UNC13D: variants seen among roughly 807,000 people sequenced by gnomAD.
UNC13D encodes the protein unc-13 homolog D.
Under a neutral mutation model 151.7 loss-of-function variants are expected in UNC13D, and 115 were observed. The ratio of observed to expected loss-of-function variants is 0.76; its 90% CI spans 0.65 to 0.88. The LOEUF (loss-of-function observed/expected upper bound fraction) is 0.88. Among genes scored for constraint, UNC13D ranks in the 40% least tolerant of loss-of-function variants. The pLI, the probability that UNC13D is intolerant of heterozygous loss-of-function variation, is 0.00. For missense variants in UNC13D, 1,369 were observed against 1,438.7 expected (o/e 0.95, Z 0.78); for synonymous variants, 588 against 612.2 (o/e 0.96, Z 0.58).
chr17:75,836,139 C>T, intron 16 of UNC13D, 30 bp from the exon 17 acceptor site: 2 of 1,612,590 alleles, frequency 1.2e-6, no homozygotes, highest in Non-Finnish European at 8.5e-7. Context: ...CTGGGCAGGG[C>T]TGCCAGAGGC....
At position 75,834,498 on chromosome 17, in the gene UNC13D, G is replaced by T. The variant is rs548101215; in HGVS notation, c.2125C>A (p.Arg709=). 4 of 1,575,320 alleles carry T rather than the reference G, an allele frequency of 2.5e-6. No individual in the cohort carries two copies. The African/African-American group carries it at 5.4e-5, about 21-fold the overall frequency. ...CVVVNDMEQL[R]LVIGKLPAQL... ...GCGGGCAACTTGCCGATCACCAGCC[G>T]CAGCTGCTCCATGTCATTCACCACC... Residue 709 remains arginine, a synonymous_variant, in exon 23 of 32, where the codon CGG becomes AGG. Coordinates refer to ENST00000207549, the MANE Select transcript of UNC13D (RefSeq NM_199242.3).
rs778350304 is a variant in UNC13D, at chr17:75,840,614, G to C, written c.684-38C>G. 6.2e-7 allele frequency: 1 copy of C among 1,613,678 alleles called. No homozygotes were observed. Among genetic ancestry groups the C allele is most frequent in the Admixed American group, 1.7e-5 (1 of 60,004 alleles). On this transcript the variant is annotated intron_variant, in intron 8 of 31. Transcript: ENST00000207549. The surrounding 1 kb of genome is among the most constrained non-coding windows in gnomAD (Gnocchi z 4.6). The stretch of plus-strand genomic sequence containing the variant: ...GGGTCCCATAAGGGGGACGCAGCAA[G>C]GGTCGGAAGGGATTAGGCTGGAATC...
In UNC13D at chr17:75,827,842, C is replaced by A; in HGVS notation, c.*123G>T. The A allele has an allele frequency of 6.6e-7, 1 of 1,517,056 alleles. No individual in the cohort carries two copies. The highest frequency in any genetic ancestry group is 1.2e-5 in the South Asian group (1 of 82,080). 94.0% of individuals were successfully genotyped at this position (1,517,056 alleles called of 1,614,324 possible). A position where few individuals can be genotyped will look rare whatever the true frequency, so the allele number is the denominator to read the frequency against. On this transcript the variant is annotated 3_prime_UTR_variant, in exon 32 of 32. Transcript: ENST00000207549. ...GTCTGCACTCTGGGCACTCCGCATG[C>A]TGGGGCTCCCCAAGTGTTAGGCCAG...
chr17:75,835,312 C>T (rs760680818), intron 20 of UNC13D, 97 bp downstream of exon 20: 56 of 1,494,832 alleles, frequency 3.7e-5, no homozygotes, highest in Admixed American at 7.6e-5. Flanking sequence ...ATGTTCAGAG[C>T]GGGTTACTGG....
intron 6 of UNC13D, among the ~76,000 whole-genome samples, chr17:75,842,043 G>A (rs1029417601): frequency 6.6e-6 from 1 of 152,026 alleles, no homozygotes; most frequent in East Asian, 1.9e-4. Flanking sequence ...CACCACGCCC[G>A]GCCTTTTTTG....
At chr17:75,831,019 A>C in intron 27 of UNC13D, 79 bp downstream of exon 27, 1 of 1,528,394 alleles carries the variant, frequency 6.5e-7, no homozygotes, top group South Asian at 1.1e-5. Flanking sequence ...TAAATTATGT[A>C]GCCGACCCTG....
intron 6 of UNC13D, 88 bp downstream of exon 6, chr17:75,842,345 G>C: frequency 6.5e-7 from 1 of 1,527,088 alleles, no homozygotes. Flanking sequence ...CCCTGAGCCA[G>C]GACGACCTAC....
rs757222478 is a variant in UNC13D, at chr17:75,844,354, C to T, written c.-17G>A. ...TGTCGCCATGGTGGCCTTCTCTGCC[C>T]TTCCCTGTCCGCTGGTGCTGGGTGA... On this transcript the variant is annotated 5_prime_UTR_variant, in exon 1 of 32. Transcript: ENST00000207549. 6 of 1,599,056 alleles carry T rather than the reference C, an allele frequency of 3.8e-6. No homozygotes were observed. The highest frequency in any genetic ancestry group is 5.1e-6 in the Non-Finnish European group (6 of 1,173,714).
At chr17:75,834,272 AG>A in intron 23 of UNC13D, 52 bp downstream of exon 23, 1 of 1,584,512 alleles carries the variant, frequency 6.3e-7, no homozygotes, top group Non-Finnish European at 8.5e-7. Flanking sequence ...TGCTGGAGCC[AG>A]GTAGGCTGAA....
intron 30 of UNC13D, chr17:75,829,685 G>A (rs372796819): frequency 3.1e-6 from 1 of 319,828 alleles, no homozygotes; most frequent in East Asian, 8.2e-5. Context: ...TCTGCCTCCT[G>A]GGTTAAGCAA....
intron 12 of UNC13D, 60 bp from the exon 13 acceptor site, chr17:75,836,978 A>T: frequency 8.2e-7 from 1 of 1,219,814 alleles, no homozygotes; most frequent in Non-Finnish European, 1.1e-6. Context: ...TCCCCTGTTC[A>T]CCCGGCCTCA....
Position 75,828,048 on chromosome 17 carries a change from C to T in UNC13D, c.3190G>A (p.Asp1064Asn). The change falls in exon 32 of 32, where the codon GAC (aspartate) becomes AAC (asparagine). Residue 1064 changes from aspartate (D) to asparagine (N), a missense_variant. Transcript: ENST00000207549. ...CTCACAAAGACCTGGGCTTCTCGGT[C>T]ACCCTTCCGGCCCTCCAGCAGCTGC... Reference protein sequence around the residue: ...ILQLLEGRKGDREAQVFVRLR... With the variant: ...ILQLLEGRKGNREAQVFVRLR... The T allele has an allele frequency of 1.3e-6, 2 of 1,576,770 alleles. No individual in the cohort carries two copies. The highest frequency in any genetic ancestry group is 1.8e-5 in the Admixed American group (1 of 54,440).
rs370741117 is a variant in UNC13D, at chr17:75,840,088, G to A, written c.881C>T (p.Ser294Leu). The change falls in exon 11 of 32, where the codon TCG becomes TTG. Residue 294 changes from serine (S) to leucine (L), a missense_variant. Ser to Leu is a moderately radical substitution (Grantham distance 145). This residue lies in a region of UNC13D where 550 missense variants were observed against 609.0 expected (regional missense o/e 0.90). Coordinates refer to ENST00000207549, the MANE Select transcript of UNC13D (RefSeq NM_199242.3). This position sits in a 1 kb window ranked among gnomAD's most constrained non-coding sequence, Gnocchi z 4.6. Reference protein sequence around the residue: ...HKRRATSASRSQPSYTVHLHL... With the variant: ...HKRRATSASRLQPSYTVHLHL... ...GAGGTGCACGGTGTAGCTCGGCTGC[G>A]AGCGGCTGGCCGAAGTGGCTCTCTG... 5.3e-5 allele frequency: 85 copies of A among 1,613,060 alleles called. No homozygotes were observed. The highest frequency in any genetic ancestry group is 1.7e-4 in the Middle Eastern group (1 of 5,984).
chr17:75,829,350 C>T (rs1048388949), intron 30 of UNC13D, among the ~76,000 whole-genome samples: 7 of 152,192 alleles, frequency 4.6e-5, no homozygotes, highest in Non-Finnish European at 7.3e-5. Context: ...GGCTGGAGTG[C>T]AGTGGCGCCA....
chr17:75,838,166 A>AGTC (rs1020755793), intron 12 of UNC13D, among the ~76,000 whole-genome samples: 1 of 151,484 alleles, frequency 6.6e-6, no homozygotes, highest in Non-Finnish European at 1.5e-5. Flanking sequence ...CCCAGGCCTG[A>AGTC]GTCGGCATCC....
chr17:75,830,517 C>G, intron 28 of UNC13D, 35 bp from the exon 29 acceptor site: 4 of 1,585,778 alleles, frequency 2.5e-6, no homozygotes, highest in Non-Finnish European at 3.4e-6. Context: ...TCAGCAGGGT[C>G]ACAGCGGGAG....
rs1474069422 is a variant in UNC13D at position 75,843,052 on chromosome 17, C to T, written c.283G>A (p.Glu95Lys). 2 of 1,610,376 alleles carry T rather than the reference C, an allele frequency of 1.2e-6. No individual in the cohort carries two copies. Among genetic ancestry groups the T allele is most frequent in the Non-Finnish European group, 1.7e-6 (2 of 1,179,640 alleles). Reference protein sequence around the residue: ...LQEAFHVEPEEHQQTLQRVRE... With the variant: ...LQEAFHVEPEKHQQTLQRVRE... ...ACCCGCTGCAGTGTCTGCTGGTGCT[C>T]CTCGGGCTCCACGTGGAAGGCCTGG... is the stretch of plus-strand genomic sequence containing the variant. The change falls in exon 4 of 32, where the codon GAG (glutamate) becomes AAG (lysine). Residue 95 changes from glutamate to lysine, a missense_variant. Glu to Lys is a moderately conservative substitution (Grantham distance 56, BLOSUM62 1). This residue lies in a region of UNC13D where 550 missense variants were observed against 609.0 expected (regional missense o/e 0.90). Coordinates refer to ENST00000207549, the MANE Select transcript of UNC13D (RefSeq NM_199242.3).
chr17:75,839,332 G>A (rs115907044), intron 12 of UNC13D, among the ~76,000 whole-genome samples: 2,574 of 151,428 alleles, frequency 0.017, 66 homozygotes, highest in African/African-American at 0.059. Flanking sequence ...AACCTGGAAG[G>A]CAGAGGTTGC....
Position 75,831,504 on chromosome 17 carries a change from G to A in UNC13D, c.2448-156C>T, listed in dbSNP as rs535119883. The A allele has an allele frequency of 2.7e-4, 185 of 677,628 alleles. 2 individuals are homozygous for A. In the South Asian group the frequency reaches 3.3e-3, roughly 12 times the overall value. 42.0% of individuals were successfully genotyped at this position (677,628 alleles called of 1,614,324 possible). ...CCCCTCCGCCTCCCACCCCAGGTGAGGCTGGGGAGAGGGTGGGTACAGGAC... is the reference window on the plus strand; with the variant it reads ...CCCCTCCGCCTCCCACCCCAGGTGAAGCTGGGGAGAGGGTGGGTACAGGAC... On this transcript the variant is annotated intron_variant, in intron 25 of 31. Coordinates refer to ENST00000207549, the MANE Select transcript of UNC13D (RefSeq NM_199242.3).
Sources: gnomAD v4.1 joint callset for allele counts (sites outside exome capture counted in the v4.1 genomes callset) on GRCh38, gnomAD v4.1.1 for gene constraint, gnomAD v4.1.1 regional missense constraint, Gnocchi (gnomAD v3.1) non-coding constraint, MANE v1.5 for transcripts, NCBI Gene and HGNC (gene_info 2026-07-23, HGNC 2026-07-21) for gene names.